Variants in TNFRSF8 observed in about 807,000 individuals in gnomAD.
TNFRSF8 encodes the protein TNF receptor superfamily member 8.
A neutral mutation model predicts 70.8 loss-of-function variants in TNFRSF8; 26 were observed. The ratio of observed to expected loss-of-function variants is 0.37; its 90% CI spans 0.27 to 0.51. The LOEUF (loss-of-function observed/expected upper bound fraction) is 0.51, where lower values mean the gene tolerates loss of function less well. Ranked by LOEUF, TNFRSF8 falls within the 20% of genes least tolerant of loss-of-function variation. The pLI, the probability that TNFRSF8 is intolerant of heterozygous loss-of-function variation, is 0.94. For synonymous variants in TNFRSF8, 356 were observed against 339.2 expected (o/e 1.05, Z -0.54); for missense variants, 720 against 807.9 (o/e 0.89, Z 1.32).
At chr1:12,090,927 A>G (rs1413138360) in intron 2 of TNFRSF8, among the ~76,000 whole-genome samples, 1 of 150,304 alleles carries the variant, frequency 6.7e-6, no homozygotes, top group Non-Finnish European at 1.5e-5. Flanking sequence ...GGGTCTTTAA[A>G]AAGGCAATTG....
intron 13 of TNFRSF8, among the ~76,000 whole-genome samples, chr1:12,137,373 G>A (rs569766489): frequency 6.6e-6 from 1 of 151,910 alleles, no homozygotes; most frequent in East Asian, 1.9e-4. Context: ...TAAAAGATAC[G>A]CCCTCTGTGC....
intron 12 of TNFRSF8, among the ~76,000 whole-genome samples, chr1:12,127,175 G>A (rs11569920): frequency 0.094 from 14,311 of 152,312 alleles, 763 homozygotes; most frequent in South Asian, 0.23. Flanking sequence ...TTCAAGGCAG[G>A]CCAGGGTCTT....
chr1:12,116,661 T>C lies in TNFRSF8; in HGVS notation c.946+932T>C, dbSNP rs1641735555. Among the ~76,000 whole-genome samples the C allele has an allele frequency of 2.0e-5, 3 of 152,076 alleles. No homozygotes were observed. The South Asian group carries it at 6.3e-4, about 32-fold the overall frequency. On this transcript the variant is annotated intron_variant, in intron 8 of 14. Coordinates refer to ENST00000263932, the MANE Select transcript of TNFRSF8 (RefSeq NM_001243.5). The stretch of plus-strand genomic sequence containing the variant: ...ACTAAAAATACACAAATTAGCTGGG[T>C]GTGGTGGTGGGCACCGTAGTCCCAG...
chr1:12,105,573 T>TCCA (rs1553156027), intron 4 of TNFRSF8, among the ~76,000 whole-genome samples: 2 of 147,364 alleles, frequency 1.4e-5, no homozygotes, highest in African/African-American at 5.0e-5. Context: ...TCTCTCTGTC[T>TCCA]CACACACACA....
intron 2 of TNFRSF8, among the ~76,000 whole-genome samples, chr1:12,087,463 A>T (rs1408550086): frequency 6.6e-6 from 1 of 152,132 alleles, no homozygotes; most frequent in Non-Finnish European, 1.5e-5. Flanking sequence ...CCACTGTGCC[A>T]GGCCTAGTTT....
rs531590400 is a variant in TNFRSF8 at position 12,120,573 on chromosome 1, G to C, written c.947-2711G>C. ...TGCTGGATGTACAAAAAGAGAATCT[G>C]TTTGGCCTTGATGCTGAGACAATTC... On this transcript the variant is annotated intron_variant, in intron 8 of 14. Transcript: ENST00000263932. Among the ~76,000 whole-genome samples the C allele has an allele frequency of 3.3e-5, 5 of 152,348 alleles. No homozygotes were observed. In the East Asian group the frequency reaches 9.6e-4, roughly 29 times the overall value.
intron 2 of TNFRSF8, among the ~76,000 whole-genome samples, chr1:12,086,357 T>C (rs935481899): frequency 1.3e-5 from 2 of 152,224 alleles, no homozygotes; most frequent in Non-Finnish European, 2.9e-5. Context: ...GCTATTGGAC[T>C]TTCTTGCTTT....
At chr1:12,083,505 A>G (rs1172701094) in intron 1 of TNFRSF8, among the ~76,000 whole-genome samples, 1 of 152,206 alleles carries the variant, frequency 6.6e-6, no homozygotes, top group Non-Finnish European at 1.5e-5. Context: ...CCTGACCAAC[A>G]TGGTGAAACT....
At position 12,137,915 on chromosome 1, in the gene TNFRSF8, G is replaced by C. The variant is rs542777512; in HGVS notation, c.1336-314G>C. Among the ~76,000 whole-genome samples, 4 of 152,250 alleles carry C rather than the reference G, an allele frequency of 2.6e-5. No homozygotes were observed. The South Asian group carries it at 8.3e-4, about 32-fold the overall frequency. On this transcript the variant is annotated intron_variant, in intron 13 of 14. Transcript: ENST00000263932. ...GCCTCAGTTTCCTCATCTGTAAAAT[G>C]GGGAGTGGGCTGTTACCCACCTCAT...
Position 12,063,544 on chromosome 1 carries a change from C to G in TNFRSF8, c.-55C>G. ...ACCGCACGTGGGCGCCGCGCGCTTC[C>G]CCCGCTTCCCAGGTGGGCGCCGGCC... is the stretch of plus-strand genomic sequence containing the variant. On this transcript the variant is annotated 5_prime_UTR_variant, in exon 1 of 15. Transcript: ENST00000263932. This position sits in a 1 kb window ranked among gnomAD's most constrained non-coding sequence, Gnocchi z 7.2. 2.3e-6 allele frequency: 3 copies of G among 1,292,822 alleles called. No homozygotes were observed. The highest frequency in any genetic ancestry group is 3.0e-6 in the Non-Finnish European group (3 of 1,014,494). 80.1% of individuals were successfully genotyped at this position (1,292,822 alleles called of 1,614,324 possible).
At chr1:12,101,384 G>A (rs933584313) in intron 3 of TNFRSF8, among the ~76,000 whole-genome samples, 2 of 151,620 alleles carry the variant, frequency 1.3e-5, no homozygotes, top group Admixed American at 1.3e-4. Flanking sequence ...CTGTGATCAT[G>A]CCACTGCACT....
At chr1:12,117,603 G>A (rs1641756756) in intron 8 of TNFRSF8, among the ~76,000 whole-genome samples, 1 of 152,174 alleles carries the variant, frequency 6.6e-6, no homozygotes, top group South Asian at 2.1e-4. Flanking sequence ...CCTACTCAGG[G>A]AAGAGACCCA....
At chr1:12,103,650 T>G (rs1160461586) in intron 3 of TNFRSF8, among the ~76,000 whole-genome samples, 6 of 152,092 alleles carry the variant, frequency 3.9e-5, no homozygotes, top group Admixed American at 3.9e-4. Context: ...TTGTATTTTT[T>G]TTTTGTAGAG....
At chr1:12,120,292 G>T (rs1258403049) in intron 8 of TNFRSF8, among the ~76,000 whole-genome samples, 1 of 152,164 alleles carries the variant, frequency 6.6e-6, no homozygotes, top group East Asian at 1.9e-4. Flanking sequence ...GAATGATGTG[G>T]TATAGACCAG....
chr1:12,099,795 A>G (rs1006807818), intron 3 of TNFRSF8, among the ~76,000 whole-genome samples: 1 of 152,072 alleles, frequency 6.6e-6, no homozygotes, highest in African/African-American at 2.4e-5. Context: ...TCTGCACAGC[A>G]TGTGACTGTC....
chr1:12,126,448 T>C (rs928706658), intron 12 of TNFRSF8, among the ~76,000 whole-genome samples: 12 of 152,164 alleles, frequency 7.9e-5, no homozygotes, highest in African/African-American at 2.9e-4. Flanking sequence ...CTGTACTGGG[T>C]GTGACGACTG....
rs57832338 is a variant in TNFRSF8 at position 12,087,074 on chromosome 1, TATCCATCCATCCATCCATCCATCCATCC to T, written c.151+2551_151+2578del. On this transcript the variant is annotated intron_variant, in intron 2 of 14. Coordinates refer to ENST00000263932, the MANE Select transcript of TNFRSF8 (RefSeq NM_001243.5). ...CTGGCCATTTTCTCATCTACCTTTC[TATCCATCCATCCATCCATCCATCCATCC>T]ATCCATCCATCCATCCATCCATCCA... Among the ~76,000 whole-genome samples the T allele has an allele frequency of 9.5e-5, 11 of 115,288 alleles. 1 individual carries two copies. Among genetic ancestry groups the T allele is most frequent in the African/African-American group, 1.8e-4 (5 of 28,044 alleles). 75.6% of individuals were successfully genotyped at this position (115,288 alleles called of 152,430 possible). A position where few individuals can be genotyped will look rare whatever the true frequency, so the allele number is the denominator to read the frequency against.
At chr1:12,096,416 T>C (rs1244011158) in intron 2 of TNFRSF8, among the ~76,000 whole-genome samples, 1 of 117,994 alleles carries the variant, frequency 8.5e-6, no homozygotes, top group Non-Finnish European at 1.8e-5. Flanking sequence ...AGCTTATAGC[T>C]GATGAGCTAA....
rs760615831 is a variant in TNFRSF8, at chr1:12,142,426, C to T, written c.1683C>T (p.Pro561=). Residue 561 remains proline (P), a synonymous_variant, in exon 15 of 15, where the codon CCC becomes CCT. Transcript: ENST00000263932. The surrounding 1 kb of genome is among the most constrained non-coding windows in gnomAD (Gnocchi z 5.0). ...AGGCGGACCATACCCCCCACTACCCCGAGCAGGAGACAGAACCGCCTCTGG... is the reference window on the plus strand; with the variant it reads ...AGGCGGACCATACCCCCCACTACCCTGAGCAGGAGACAGAACCGCCTCTGG... ...ELEADHTPHY[P]EQETEPPLGS... is the part of the protein sequence containing the mutation. 44 of 1,612,438 alleles carry T rather than the reference C, an allele frequency of 2.7e-5. No individual in the cohort carries two copies. Among genetic ancestry groups the T allele is most frequent in the Non-Finnish European group, 3.4e-5 (40 of 1,179,316 alleles).
Sources: allele counts gnomAD v4.1 joint callset (sites outside exome capture counted in the v4.1 genomes callset), GRCh38; gene constraint gnomAD v4.1.1; non-coding constraint Gnocchi (gnomAD v3.1); transcripts MANE v1.5; gene names NCBI Gene and HGNC (gene_info 2026-07-23, HGNC 2026-07-21).